EPHA6: variants seen among roughly 807,000 people sequenced by gnomAD.
EPHA6 encodes EPH receptor A6.
EPHA6 carries 50 observed loss-of-function variants against 112.0 expected under a neutral mutation model. The ratio of observed to expected loss-of-function variants is 0.45; its 90% CI spans 0.36 to 0.56. EPHA6 has a LOEUF of 0.56. Ranked by LOEUF, EPHA6 falls within the 20% of genes least tolerant of loss-of-function variation. The pLI is 0.00. For synonymous variants in EPHA6, 529 were observed against 490.7 expected, an observed-to-expected ratio of 1.08 and a Z score of -1.03; for missense variants, 1,280 against 1,417.4, an observed-to-expected ratio of 0.90 and a Z score of 1.56.
chr3:97,654,397 G>C (rs2094125405), intron 14 of EPHA6, among the ~76,000 whole-genome samples: 1 of 151,802 alleles, frequency 6.6e-6, no homozygotes, highest in Non-Finnish European at 1.5e-5. Flanking sequence ...TACTGTTCTG[G>C]TCACTGGACA....
At chr3:96,994,709 GTATA>G (rs66581386) in intron 3 of EPHA6, among the ~76,000 whole-genome samples, 5,741 of 98,312 alleles carry the variant, frequency 0.058, 265 homozygotes, top group East Asian at 0.19. Flanking sequence ...GTGTGTGTGT[GTATA>G]TATATATATA....
intron 14 of EPHA6, among the ~76,000 whole-genome samples, chr3:97,697,699 T>A (rs62262810): frequency 6.6e-6 from 1 of 152,172 alleles, no homozygotes; most frequent in South Asian, 2.1e-4. Context: ...AGGTGTGTTA[T>A]CAATTTCTGA....
chr3:97,238,524 G>T (rs981221812), intron 4 of EPHA6, among the ~76,000 whole-genome samples: 25 of 151,840 alleles, frequency 1.6e-4, no homozygotes, highest in African/African-American at 6.0e-4. Flanking sequence ...TGTAATATGT[G>T]CATTATTTGC....
intron 2 of EPHA6, among the ~76,000 whole-genome samples, chr3:96,981,385 T>G (rs893649404): frequency 6.6e-6 from 1 of 152,144 alleles, no homozygotes; most frequent in Non-Finnish European, 1.5e-5. Flanking sequence ...CAGCCTTACA[T>G]CCCAGGGATG....
At chr3:97,725,303 G>C (rs1313838077) in intron 15 of EPHA6, among the ~76,000 whole-genome samples, 1 of 152,024 alleles carries the variant, frequency 6.6e-6, no homozygotes, top group Non-Finnish European at 1.5e-5. Flanking sequence ...GCTTTGTTAG[G>C]ACCTTGCCCC....
At chr3:97,013,963 C>G (rs1186722745) in intron 3 of EPHA6, among the ~76,000 whole-genome samples, 1 of 152,060 alleles carries the variant, frequency 6.6e-6, no homozygotes, top group Non-Finnish European at 1.5e-5. Context: ...CTCTTTCTCT[C>G]TGCCCTCTCC....
intron 10 of EPHA6, among the ~76,000 whole-genome samples, chr3:97,518,663 T>G (rs1032193076): frequency 6.6e-6 from 1 of 152,086 alleles, no homozygotes; most frequent in Non-Finnish European, 1.5e-5. Context: ...GTATTTATAA[T>G]AAAAACCATT....
At chr3:97,475,605 C>T in intron 8 of EPHA6, 145 bp downstream of exon 8, 1 of 560,938 alleles carries the variant, frequency 1.8e-6, no homozygotes, top group Non-Finnish European at 3.1e-6. Context: ...AGTGAACCAT[C>T]ATTAGTTCTC....
At chr3:97,443,305 C>G (rs2107290308) in intron 6 of EPHA6, among the ~76,000 whole-genome samples, 1 of 145,372 alleles carries the variant, frequency 6.9e-6, no homozygotes, top group East Asian at 2.0e-4. Context: ...CCTGTAGCTT[C>G]AGTCCTCTAG....
chr3:97,681,026 A>G (rs1034233155), intron 14 of EPHA6, among the ~76,000 whole-genome samples: 1 of 152,134 alleles, frequency 6.6e-6, no homozygotes, highest in Non-Finnish European at 1.5e-5. Context: ...ATGATAAGAC[A>G]TTAGATTTTT....
chr3:97,724,413 T>C (rs2034663752), intron 15 of EPHA6, among the ~76,000 whole-genome samples: 1 of 152,254 alleles, frequency 6.6e-6, no homozygotes, highest in Non-Finnish European at 1.5e-5. Flanking sequence ...CATTCAGCAG[T>C]TAAGCATGCG....
intron 6 of EPHA6, among the ~76,000 whole-genome samples, chr3:97,427,250 C>G (rs1319923420): frequency 6.6e-6 from 1 of 152,156 alleles, no homozygotes; most frequent in Non-Finnish European, 1.5e-5. Flanking sequence ...CTTATGTTCA[C>G]TGCAGAACCA....
chr3:97,282,902 A>T (rs1010176205), intron 5 of EPHA6, among the ~76,000 whole-genome samples: 2 of 152,202 alleles, frequency 1.3e-5, no homozygotes, highest in African/African-American at 4.8e-5. Context: ...TATCTAGGTG[A>T]TAGGTTGATA....
chr3:97,437,155 A>G (rs1419742456), intron 6 of EPHA6, among the ~76,000 whole-genome samples: 1 of 152,014 alleles, frequency 6.6e-6, no homozygotes, highest in African/African-American at 2.4e-5. Flanking sequence ...AAGCCAAAAG[A>G]TTGGGCAACC....
intron 11 of EPHA6, among the ~76,000 whole-genome samples, chr3:97,561,979 T>C (rs1553814487): frequency 6.6e-6 from 1 of 152,154 alleles, no homozygotes; most frequent in Non-Finnish European, 1.5e-5. Flanking sequence ...GTTTATAGCC[T>C]GGTTTACTAA....
chr3:97,077,042 A>G (rs201895034), intron 3 of EPHA6, among the ~76,000 whole-genome samples: 1 of 152,154 alleles, frequency 6.6e-6, no homozygotes, highest in East Asian at 1.9e-4. Context: ...CATCTGTGCT[A>G]TAGCCCATAG....
intron 12 of EPHA6, 99 bp from the exon 13 acceptor site, chr3:97,610,694 A>G: frequency 2.2e-6 from 2 of 909,808 alleles, no homozygotes; most frequent in South Asian, 3.0e-5. Flanking sequence ...CTATTAATAA[A>G]ATACAAATAA....
At chr3:97,429,840 A>G (rs2089390676) in intron 6 of EPHA6, among the ~76,000 whole-genome samples, 2 of 152,186 alleles carry the variant, frequency 1.3e-5, no homozygotes, top group Admixed American at 1.3e-4. Context: ...AGACTCTGCA[A>G]TGTTGCTGTC....
chr3:97,401,151 C>CT (rs937805380), intron 5 of EPHA6, among the ~76,000 whole-genome samples: 33 of 151,300 alleles, frequency 2.2e-4, no homozygotes, highest in Admixed American at 5.3e-4. Context: ...TTATCAAATG[C>CT]TTTTTTTTGC....
Sources: allele counts gnomAD v4.1 joint callset (sites outside exome capture counted in the v4.1 genomes callset), GRCh38; gene constraint gnomAD v4.1.1; transcripts MANE v1.5; gene names NCBI Gene and HGNC (gene_info 2026-07-23, HGNC 2026-07-21).